The following FOXP1 variants were observed in gnomAD, a reference collection of about 807,000 sequenced individuals.
The protein encoded by FOXP1 is forkhead box P1, also known as forkhead box protein P1.
A neutral mutation model predicts 98.2 loss-of-function variants in FOXP1; 15 were observed. The ratio of observed to expected loss-of-function variants is 0.15; its 90% CI spans 0.10 to 0.24. The LOEUF (loss-of-function observed/expected upper bound fraction) is 0.24. FOXP1 is among the 10% of genes least tolerant of loss of function. FOXP1 has a pLI of 1.00. For missense variants in FOXP1, 633 were observed against 848.5 expected, an observed-to-expected ratio of 0.75 and a Z score of 3.15; for synonymous variants, 371 against 314.5, an observed-to-expected ratio of 1.18 and a Z score of -1.90.
chr3:71,128,276 T>G (rs941784915), intron 6 of FOXP1, among the ~76,000 whole-genome samples: 5 of 150,460 alleles, frequency 3.3e-5, no homozygotes, highest in African/African-American at 9.8e-5. Context: ...TAAGAATGAT[T>G]TCACAAAGCC....
intron 20 of FOXP1, among the ~76,000 whole-genome samples, chr3:70,963,075 C>A (rs571684345): frequency 6.6e-6 from 1 of 152,162 alleles, no homozygotes; most frequent in East Asian, 1.9e-4. Context: ...AGTGAAAAAA[C>A]AAATAAACAA....
intron 6 of FOXP1, chr3:71,131,015 T>C (rs1160535574): frequency 2.6e-6 from 2 of 766,798 alleles, no homozygotes; most frequent in Middle Eastern, 6.5e-4. Flanking sequence ...TGAGATATTT[T>C]TGTGGTGACA....
chr3:71,039,770 A>G (rs958116921), intron 11 of FOXP1, among the ~76,000 whole-genome samples: 5 of 151,966 alleles, frequency 3.3e-5, no homozygotes, highest in Admixed American at 1.3e-4. Context: ...AAAAAAAAAA[A>G]AAGAAGACAT....
intron 5 of FOXP1, among the ~76,000 whole-genome samples, chr3:71,297,710 G>A (rs921520419): frequency 1.1e-4 from 17 of 150,490 alleles, no homozygotes; most frequent in African/African-American, 4.2e-4. Context: ...CTGCCTCCCG[G>A]GTTTAAGTGA....
chr3:71,119,602 A>G (rs2058615322), intron 6 of FOXP1, among the ~76,000 whole-genome samples: 1 of 152,188 alleles, frequency 6.6e-6, no homozygotes, highest in Non-Finnish European at 1.5e-5. Flanking sequence ...GACTCCCTGT[A>G]GAGAGCCTGG....
At chr3:71,582,727 C>G (rs2048284554) in intron 1 of FOXP1, 1 of 985,114 alleles carries the variant, frequency 1.0e-6, no homozygotes, top group Admixed American at 6.1e-5. Flanking sequence ...CTGTTGCGGA[C>G]TCGTCTCGGG....
intron 3 of FOXP1, among the ~76,000 whole-genome samples, chr3:71,471,965 C>T (rs1286412472): frequency 6.6e-6 from 1 of 152,092 alleles, no homozygotes. Flanking sequence ...GGAGAGGTTC[C>T]CTGTACTTCT....
chr3:70,976,428 TTAA>T (rs1421350729), intron 17 of FOXP1, among the ~76,000 whole-genome samples: 1 of 152,234 alleles, frequency 6.6e-6, no homozygotes, highest in African/African-American at 2.4e-5. Flanking sequence ...GTGTTCTCCA[TTAA>T]TAACTCCTAC....
chr3:71,312,526 T>A (rs1198526199), intron 4 of FOXP1, among the ~76,000 whole-genome samples: 1 of 152,286 alleles, frequency 6.6e-6, no homozygotes, highest in East Asian at 1.9e-4. Context: ...GAAATTACTT[T>A]AAAAATGAGA....
At chr3:70,967,483 G>A (rs2035057976) in intron 19 of FOXP1, among the ~76,000 whole-genome samples, 1 of 152,090 alleles carries the variant, frequency 6.6e-6, no homozygotes, top group Non-Finnish European at 1.5e-5. Context: ...AAAGTAGGGG[G>A]AAAATCCTGT....
chr3:71,376,091 A>C (rs893607091), intron 3 of FOXP1, among the ~76,000 whole-genome samples: 2 of 152,298 alleles, frequency 1.3e-5, no homozygotes, highest in African/African-American at 4.8e-5. Flanking sequence ...AATTTAAGAG[A>C]GATGAAATCC....
intron 5 of FOXP1, among the ~76,000 whole-genome samples, chr3:71,267,138 T>TGTGTGTGTGC: frequency 6.6e-6 from 1 of 152,204 alleles, no homozygotes; most frequent in Non-Finnish European, 1.5e-5. Flanking sequence ...TGTGTGTGTG[T>TGTGTGTGTGC]GTGTGTGTGT....
chr3:71,343,120 C>A (rs1467744118), intron 4 of FOXP1, among the ~76,000 whole-genome samples: 1 of 152,208 alleles, frequency 6.6e-6, no homozygotes, highest in African/African-American at 2.4e-5. Context: ...TTAAACAAAA[C>A]TTCTGGGATT....
intron 7 of FOXP1, among the ~76,000 whole-genome samples, chr3:71,062,019 G>T (rs947406603): frequency 6.6e-6 from 1 of 152,142 alleles, no homozygotes; most frequent in Non-Finnish European, 1.5e-5. Context: ...TGTGGAGGTT[G>T]GCTGAAAAGT....
chr3:71,492,993 T>A (rs2091169349), intron 3 of FOXP1, among the ~76,000 whole-genome samples: 1 of 152,146 alleles, frequency 6.6e-6, no homozygotes, highest in African/African-American at 2.4e-5. Flanking sequence ...TTCTCATAAG[T>A]CCTGATCATA....
In FOXP1 at chr3:70,956,207, C is replaced by T. The variant is rs2031741315; in HGVS notation, c.*3040G>A. ...GCCCTCTGCCCTCCCCCAAAAAAGA[C>T]AAAGATTCACACAGACACATCGGGA... On this transcript the variant is annotated 3_prime_UTR_variant, in exon 21 of 21. Transcript: ENST00000649528. 4.3e-6 allele frequency: 1 copy of T among 233,392 alleles called. No individual in the cohort carries two copies. Among genetic ancestry groups the T allele is most frequent in the Admixed American group, 5.6e-5 (1 of 17,780 alleles). 14.5% of individuals were successfully genotyped at this position (233,392 alleles called of 1,614,324 possible).
chr3:71,357,427 C>G (rs1577115121), intron 4 of FOXP1, among the ~76,000 whole-genome samples: 1 of 152,290 alleles, frequency 6.6e-6, no homozygotes, highest in South Asian at 2.1e-4. Flanking sequence ...GCACAGTCAA[C>G]AGAAGGCATT....
intron 4 of FOXP1, among the ~76,000 whole-genome samples, chr3:71,319,837 T>C (rs753443366): frequency 3.3e-5 from 5 of 152,120 alleles, no homozygotes; most frequent in Non-Finnish European, 7.4e-5. Flanking sequence ...GCCAATCTGG[T>C]TCTTCTTCCT....
At chr3:71,034,377 CCT>C (rs2047302543) in intron 11 of FOXP1, among the ~76,000 whole-genome samples, 1 of 151,944 alleles carries the variant, frequency 6.6e-6, no homozygotes, top group Non-Finnish European at 1.5e-5. Context: ...ACTGCAAGTC[CCT>C]GAGGGTCAGG....
Sources: allele counts gnomAD v4.1 joint callset (sites outside exome capture counted in the v4.1 genomes callset), GRCh38; gene constraint gnomAD v4.1.1; transcripts MANE v1.5; gene names NCBI Gene and HGNC (gene_info 2026-07-23, HGNC 2026-07-21).